The following PCOLCE2 variants were observed in gnomAD, a reference collection of about 807,000 sequenced individuals.
PCOLCE2 encodes the protein procollagen C-endopeptidase enhancer 2.
In PCOLCE2, 42 loss-of-function variants were observed where a neutral mutation model predicts 47.0. The ratio of observed to expected loss-of-function variants is 0.89; its 90% CI spans 0.70 to 1.16. The LOEUF is 1.16. Among genes scored for constraint, PCOLCE2 ranks in the 50% most tolerant of loss-of-function variants. The pLI is 0.00. For synonymous variants in PCOLCE2, 169 were observed against 191.7 expected (o/e 0.88, Z 0.98); for missense variants, 500 against 526.1 (o/e 0.95, Z 0.49).
intron 3 of PCOLCE2, chr3:142,846,719 T>C (rs1390322519): frequency 1.3e-5 from 2 of 152,188 alleles, no homozygotes; most frequent in Non-Finnish European, 2.9e-5. Context: ...CACTGACTCT[T>C]TTTTTCTGCC....
intron 4 of PCOLCE2, among the ~76,000 whole-genome samples, chr3:142,839,503 G>A (rs1170165344): frequency 6.6e-6 from 1 of 152,146 alleles, no homozygotes; most frequent in African/African-American, 2.4e-5. Flanking sequence ...AGTACAGACG[G>A]GATTTCACCA....
chr3:142,887,547 A>G (rs987056884), intron 2 of PCOLCE2, 122 bp downstream of exon 2: 13 of 634,134 alleles, frequency 2.1e-5, no homozygotes, highest in Admixed American at 2.0e-4. Flanking sequence ...GGTAAATCCA[A>G]CATTTCACTA....
intron 3 of PCOLCE2, among the ~76,000 whole-genome samples, chr3:142,844,730 A>T (rs945641986): frequency 6.6e-6 from 1 of 152,104 alleles, no homozygotes; most frequent in African/African-American, 2.4e-5. Context: ...CAATTTTTAT[A>T]CTTACTGGAA....
chr3:142,829,558 T>C (rs1578030631), intron 6 of PCOLCE2, 134 bp downstream of exon 6: 5 of 637,768 alleles, frequency 7.8e-6, no homozygotes, highest in East Asian at 2.8e-5. Context: ...TGCAGTCATA[T>C]TATTCTCTTA....
At chr3:142,823,650 T>C (rs1352388683) in intron 6 of PCOLCE2, 35 bp from the exon 7 acceptor site, 1 of 1,236,164 alleles carries the variant, frequency 8.1e-7, no homozygotes, top group East Asian at 2.3e-5. Flanking sequence ...TCACGAAAAA[T>C]GAATTCAAGC....
At chr3:142,849,689 G>A (rs547502812) in intron 2 of PCOLCE2, among the ~76,000 whole-genome samples, 17 of 152,086 alleles carry the variant, frequency 1.1e-4, no homozygotes, top group Non-Finnish European at 2.5e-4. Flanking sequence ...TTAATCAGAT[G>A]AGGTCTCCAC....
chr3:142,828,137 A>G (rs1226024610), intron 6 of PCOLCE2, among the ~76,000 whole-genome samples: 3 of 152,192 alleles, frequency 2.0e-5, no homozygotes, highest in Non-Finnish European at 4.4e-5. Flanking sequence ...GTAAAATGTG[A>G]AACTAATCCT....
intron 2 of PCOLCE2, among the ~76,000 whole-genome samples, chr3:142,856,135 A>T (rs1308850766): frequency 6.6e-6 from 1 of 152,222 alleles, no homozygotes; most frequent in African/African-American, 2.4e-5. Context: ...TAAGGGAGAC[A>T]TCAGCTTTGC....
intron 2 of PCOLCE2, among the ~76,000 whole-genome samples, chr3:142,886,544 T>C (rs1267654246): frequency 6.6e-6 from 1 of 152,208 alleles, no homozygotes; most frequent in African/African-American, 2.4e-5. Flanking sequence ...TGGTTGGCAT[T>C]TTACAAGAGG....
At chr3:142,868,732 G>C (rs531463470) in intron 2 of PCOLCE2, among the ~76,000 whole-genome samples, 3 of 152,272 alleles carry the variant, frequency 2.0e-5, no homozygotes, top group African/African-American at 7.2e-5. Flanking sequence ...ACAAGGGAAC[G>C]AACGACACAG....
At chr3:142,884,319 C>T in intron 2 of PCOLCE2, among the ~76,000 whole-genome samples, 1 of 152,126 alleles carries the variant, frequency 6.6e-6, no homozygotes, top group East Asian at 1.9e-4. Context: ...ATGCCTCACC[C>T]CAACCCTATT....
At chr3:142,861,974 G>T (rs922921034) in intron 2 of PCOLCE2, among the ~76,000 whole-genome samples, 2 of 152,184 alleles carry the variant, frequency 1.3e-5, no homozygotes, top group Non-Finnish European at 2.9e-5. Flanking sequence ...AGGGAAAGAG[G>T]TGGGGCCGGG....
chr3:142,861,917 C>T (rs1023507432), intron 2 of PCOLCE2, among the ~76,000 whole-genome samples: 1 of 152,196 alleles, frequency 6.6e-6, no homozygotes, highest in African/African-American at 2.4e-5. Flanking sequence ...TTGTTCCATG[C>T]CTCGCCTGAG....
chr3:142,818,835 G>C (rs969199964), intron 8 of PCOLCE2, among the ~76,000 whole-genome samples: 1 of 152,246 alleles, frequency 6.6e-6, no homozygotes, highest in African/African-American at 2.4e-5. Context: ...AAGCTGGACT[G>C]AGTGGTTAGA....
intron 2 of PCOLCE2, among the ~76,000 whole-genome samples, chr3:142,879,827 A>G (rs993769336): frequency 3.3e-5 from 5 of 152,002 alleles, no homozygotes; most frequent in East Asian, 1.9e-4. Flanking sequence ...AAAATTAGGC[A>G]GGCGTGGTGG....
In PCOLCE2 at chr3:142,848,244, A is replaced by G; in HGVS notation, c.421T>C (p.Phe141Leu). The G allele has an allele frequency of 6.2e-7, 1 of 1,614,222 alleles. No individual in the cohort carries two copies. ...CTTTCGTTTGGTTCAGCAGCGGAGA[A>G]CATGGCCATGAAGCCATTGCCAGCT... is the stretch of plus-strand genomic sequence containing the variant. ...NTAGNGFMAMFSAAEPNERGD... is the reference protein window; with the variant it reads ...NTAGNGFMAMLSAAEPNERGD... The change falls in exon 3 of 9, where the codon TTC (phenylalanine) becomes CTC (leucine). Residue 141 changes from phenylalanine (F) to leucine (L), a missense_variant. Phe to Leu is a conservative substitution (Grantham distance 22). Transcript: ENST00000295992.
intron 2 of PCOLCE2, among the ~76,000 whole-genome samples, chr3:142,883,198 C>CA (rs750569279): frequency 0.033 from 2,357 of 71,342 alleles, 124 homozygotes; most frequent in African/African-American, 0.11. Context: ...GACTCCGTCT[C>CA]AAAAAAAAAA....
chr3:142,838,394 AGCTCTCT>A (rs1328324129), intron 5 of PCOLCE2, among the ~76,000 whole-genome samples: 2 of 152,056 alleles, frequency 1.3e-5, no homozygotes, highest in African/African-American at 2.4e-5. Flanking sequence ...GGCGACAGTG[AGCTCTCT>A]GCTCTCTGGT....
intron 6 of PCOLCE2, among the ~76,000 whole-genome samples, chr3:142,824,692 T>C (rs1276014877): frequency 6.6e-6 from 1 of 152,158 alleles, no homozygotes. Flanking sequence ...CAGGCTGGAG[T>C]ACAATGGTGT....
Sources: gnomAD v4.1 joint callset for allele counts (sites outside exome capture counted in the v4.1 genomes callset) on GRCh38, gnomAD v4.1.1 for gene constraint, MANE v1.5 for transcripts, NCBI Gene and HGNC (gene_info 2026-07-23, HGNC 2026-07-21) for gene names.